Variants in POU2AF2 observed in about 807,000 individuals in gnomAD.
POU2AF2 encodes POU class 2 homeobox associating factor 2, also known as POU domain class 2-associating factor 2.
At chr11:111,283,053 T>A in the POU2AF2 span, among the ~76,000 whole-genome samples, 1 of 132,708 alleles carries the variant, frequency 7.5e-6, no homozygotes, top group African/African-American at 3.0e-5. Flanking sequence ...AAGGAAAACT[T>A]TTTACTTTTT....
At chr11:111,253,385 C>T in the POU2AF2 span, among the ~76,000 whole-genome samples, 1 of 152,324 alleles carries the variant, frequency 6.6e-6, no homozygotes, top group South Asian at 2.1e-4. Flanking sequence ...ATCACTCCCC[C>T]AAGGGATTTC....
the POU2AF2 span, chr11:111,286,351 A>G: frequency 3.5e-6 from 1 of 283,762 alleles, no homozygotes; most frequent in Non-Finnish European, 6.4e-6. Context: ...TTGAAGTATC[A>G]TTTTTGGCAC....
At chr11:111,284,240 C>T in the POU2AF2 span, 2 of 1,614,202 alleles carry the variant, frequency 1.2e-6, no homozygotes, top group Non-Finnish European at 1.7e-6. Context: ...TCTCCTGGAG[C>T]CCTACTTCCC....
the POU2AF2 span, among the ~76,000 whole-genome samples, chr11:111,259,132 G>A: frequency 6.6e-6 from 1 of 152,116 alleles, no homozygotes; most frequent in Non-Finnish European, 1.5e-5. Flanking sequence ...ATGTATGTAA[G>A]GACAGTTTAA....
the POU2AF2 span, among the ~76,000 whole-genome samples, chr11:111,264,779 A>G: frequency 7.1e-6 from 1 of 140,922 alleles, no homozygotes; most frequent in African/African-American, 2.6e-5. Context: ...AAGGAAGGAG[A>G]TGAAGGAAGG....
the POU2AF2 span, among the ~76,000 whole-genome samples, chr11:111,270,862 G>T: frequency 2.0e-5 from 3 of 152,158 alleles, no homozygotes; most frequent in African/African-American, 7.2e-5. Context: ...AATGGCACCT[G>T]CTGGCCTTCT....
chr11:111,284,089 G>T, the POU2AF2 span: 1 of 1,613,750 alleles, frequency 6.2e-7, no homozygotes, highest in South Asian at 1.1e-5. Flanking sequence ...CGCCGGTCAC[G>T]TCAGGTTACT....
At chr11:111,262,362 C>T in the POU2AF2 span, among the ~76,000 whole-genome samples, 1 of 152,206 alleles carries the variant, frequency 6.6e-6, no homozygotes, top group African/African-American at 2.4e-5. Context: ...CTATCTTAGT[C>T]CCTAAAACCG....
At chr11:111,273,789 T>C in the POU2AF2 span, among the ~76,000 whole-genome samples, 3 of 152,204 alleles carry the variant, frequency 2.0e-5, no homozygotes, top group Non-Finnish European at 4.4e-5. Context: ...TTAGTTCAAA[T>C]TAACTCATTT....
chr11:111,272,886 C>T, the POU2AF2 span, among the ~76,000 whole-genome samples: 1 of 152,180 alleles, frequency 6.6e-6, no homozygotes, highest in Non-Finnish European at 1.5e-5. Flanking sequence ...CAAAATTCCT[C>T]CTTCCTGGGA....
chr11:111,284,117 T>C, the POU2AF2 span: 4 of 1,614,076 alleles, frequency 2.5e-6, no homozygotes, highest in African/African-American at 5.3e-5. Context: ...CAGAAGATCT[T>C]TCTTATCTGA....
chr11:111,286,189 C>A, the POU2AF2 span: 2 of 971,140 alleles, frequency 2.1e-6, no homozygotes, highest in Non-Finnish European at 3.0e-6. Flanking sequence ...TGGACGAGGG[C>A]ATTTATTTGT....
chr11:111,268,086 G>A, the POU2AF2 span, among the ~76,000 whole-genome samples: 1 of 152,174 alleles, frequency 6.6e-6, no homozygotes, highest in Admixed American at 6.5e-5. Context: ...CTGGTACACA[G>A]GCCTTAAAAT....
chr11:111,272,128 C>T, the POU2AF2 span, among the ~76,000 whole-genome samples: 1 of 152,322 alleles, frequency 6.6e-6, no homozygotes, highest in Admixed American at 6.5e-5. Context: ...TGCAGTTCCT[C>T]ACATTTTGAG....
chr11:111,264,575 AGG>A, the POU2AF2 span, among the ~76,000 whole-genome samples: 4,602 of 22,330 alleles, frequency 0.21, 929 homozygotes, highest in Middle Eastern at 0.47. Context: ...AAAGAAAGAA[AGG>A]GAGAGAGAAA....
the POU2AF2 span, among the ~76,000 whole-genome samples, chr11:111,261,224 A>T: frequency 6.6e-6 from 1 of 151,866 alleles, no homozygotes; most frequent in Non-Finnish European, 1.5e-5. Context: ...ACCAAGATAT[A>T]TAAATGTGAG....
chr11:111,278,556 G>C, the POU2AF2 span, among the ~76,000 whole-genome samples: 1 of 148,348 alleles, frequency 6.7e-6, no homozygotes, highest in African/African-American at 2.5e-5. Flanking sequence ...CTCTCTCTCT[G>C]TCTCTCTCTC....
the POU2AF2 span, among the ~76,000 whole-genome samples, chr11:111,271,778 C>T: frequency 2.0e-5 from 3 of 151,958 alleles, no homozygotes; most frequent in Admixed American, 1.3e-4. Context: ...TTTGGGAGGC[C>T]AACGTGGGTG....
chr11:111,263,615 T>A, the POU2AF2 span, among the ~76,000 whole-genome samples: 378 of 152,086 alleles, frequency 2.5e-3, 1 homozygote, highest in African/African-American at 8.2e-3. Flanking sequence ...GTATTTTTAG[T>A]AGAGACAGGG....
Sources: gnomAD v4.1 joint callset for allele counts (sites outside exome capture counted in the v4.1 genomes callset) on GRCh38, gnomAD v4.1.1 for gene constraint, MANE v1.5 for transcripts, NCBI Gene and HGNC (gene_info 2026-07-23, HGNC 2026-07-21) for gene names.